Variants in C18orf54 observed in about 807,000 individuals in gnomAD.
C18orf54 encodes the protein chromosome 18 open reading frame 54.
In C18orf54, 49 loss-of-function variants were observed where a neutral mutation model predicts 49.3. That is an observed-to-expected ratio of 0.99 (90% CI 0.79 to 1.26). C18orf54 has a LOEUF of 1.26. Ranked by LOEUF, C18orf54 falls within the 50% of genes most tolerant of loss-of-function variation. The pLI is 0.00. For missense variants in C18orf54, 687 were observed against 620.6 expected, an observed-to-expected ratio of 1.11 and a Z score of -1.14; for synonymous variants, 211 against 216.6, an observed-to-expected ratio of 0.97 and a Z score of 0.23.
At chr18:54,376,826 C>A (rs564639465) in intron 8 of C18orf54, among the ~76,000 whole-genome samples, 23 of 152,238 alleles carry the variant, frequency 1.5e-4, no homozygotes, top group African/African-American at 4.3e-4. Flanking sequence ...AATAGATATA[C>A]ATGCAGTAAA....
At position 54,380,730 on chromosome 18, in the gene C18orf54, A is replaced by G. The variant is rs1013791408; in HGVS notation, c.*2484A>G. The G allele has an allele frequency of 1.3e-5, 2 of 152,154 alleles. No homozygotes were observed. Among genetic ancestry groups the G allele is most frequent in the Middle Eastern group, 3.2e-3 (1 of 316 alleles). The allele number at this position is 152,154 out of a possible 1,614,324, so 9.4% of individuals were successfully genotyped here. Reference sequence around the variant, plus strand: ...ATTTAATGGTGTATAATGTGTTATTACATTATATGTAGTTATACCAAAATA... The same window carrying G: ...ATTTAATGGTGTATAATGTGTTATTGCATTATATGTAGTTATACCAAAATA... On this transcript the variant is annotated 3_prime_UTR_variant, in exon 9 of 9. Transcript: ENST00000620105.
At chr18:54,376,265 T>C (rs2089568213) in intron 8 of C18orf54, among the ~76,000 whole-genome samples, 1 of 152,244 alleles carries the variant, frequency 6.6e-6, no homozygotes, top group Non-Finnish European at 1.5e-5. Context: ...TCTAGTCCCT[T>C]AAATACTCAG....
In C18orf54 at chr18:54,361,935, T is replaced by C. The variant is rs2089279639; in HGVS notation, c.576T>C (p.Asn192=). 1.9e-6 allele frequency: 3 copies of C among 1,613,998 alleles called. No individual in the cohort carries two copies. The highest frequency in any genetic ancestry group is 2.5e-6 in the Non-Finnish European group (3 of 1,180,006). The change falls in exon 4 of 9, where the codon AAT becomes AAC. Residue 192 remains asparagine, a synonymous_variant. Transcript: ENST00000620105. ...CTCCTGTTATACGCTCAAATATAAATGGAAAGCAATGTGGTAGGCTGAAAA... is the reference window on the plus strand; with the variant it reads ...CTCCTGTTATACGCTCAAATATAAACGGAAAGCAATGTGGTAGGCTGAAAA... ...FVTPVIRSNI[N]GKQCGRLKNP...
At position 54,379,554 on chromosome 18, in the gene C18orf54, T is replaced by G. The variant is rs184244085; in HGVS notation, c.*1308T>G. On this transcript the variant is annotated 3_prime_UTR_variant, in exon 9 of 9. Transcript: ENST00000620105. ...TTTTACCATGCTGCTCTGACCAGTT[T>G]GAGTGGCAATTACCAATAGATTTGT... is the stretch of plus-strand genomic sequence containing the variant. 2.3e-4 allele frequency: 35 copies of G among 151,598 alleles called. No individual in the cohort carries two copies. The highest frequency in any genetic ancestry group is 8.5e-4 in the African/African-American group (35 of 41,342). The allele number at this position is 151,598 out of a possible 1,614,324, so 9.4% of individuals were successfully genotyped here. A position where few individuals can be genotyped will look rare whatever the true frequency, so the allele number is the denominator to read the frequency against.
chr18:54,376,817 A>G (rs563301635), intron 8 of C18orf54, among the ~76,000 whole-genome samples: 1 of 152,312 alleles, frequency 6.6e-6, no homozygotes, highest in Admixed American at 6.5e-5. Context: ...GTACAGGGAA[A>G]TAGATATACA....
intron 7 of C18orf54, among the ~76,000 whole-genome samples, chr18:54,373,174 T>A (rs1261795949): frequency 6.6e-6 from 1 of 151,878 alleles, no homozygotes; most frequent in African/African-American, 2.4e-5. Context: ...GTATAGTGTT[T>A]AAGAACATAG....
At position 54,379,119 on chromosome 18, in the gene C18orf54, T is replaced by G. The variant is rs1003588696; in HGVS notation, c.*873T>G. On this transcript the variant is annotated 3_prime_UTR_variant, in exon 9 of 9. Transcript: ENST00000620105. ...CTATTTTAGAGCTATTTTGTAAGAGTTGTGCTTTCTTTAACACCATCTGTA... is the reference window on the plus strand; with the variant it reads ...CTATTTTAGAGCTATTTTGTAAGAGGTGTGCTTTCTTTAACACCATCTGTA... 1 of 151,988 alleles carries G rather than the reference T, an allele frequency of 6.6e-6. No homozygotes were observed. Among genetic ancestry groups the G allele is most frequent in the Non-Finnish European group, 1.5e-5 (1 of 67,924 alleles). 9.4% of individuals were successfully genotyped at this position (151,988 alleles called of 1,614,324 possible).
chr18:54,360,814 A>G lies in C18orf54; in HGVS notation c.242A>G (p.Asn81Ser). ...GKINIDEDFT[N>S]MSQFCNYIYK... ...ATTAACATTGATGAGGATTTTACTA[A>G]TATGTCACAGTTCTGCAACTATATT... The change falls in exon 3 of 9, where the codon AAT becomes AGT. Residue 81 changes from asparagine (N) to serine (S), a missense_variant. Asn to Ser is a conservative substitution (Grantham distance 46, BLOSUM62 1). Transcript: ENST00000620105. The G allele has an allele frequency of 6.2e-7, 1 of 1,613,166 alleles. No homozygotes were observed. The highest frequency in any genetic ancestry group is 8.5e-7 in the Non-Finnish European group (1 of 1,179,378).
At chr18:54,364,878 A>C (rs982016454) in intron 5 of C18orf54, among the ~76,000 whole-genome samples, 1 of 152,064 alleles carries the variant, frequency 6.6e-6, no homozygotes. Context: ...TGTAAATGTT[A>C]AAAAAAGATT....
chr18:54,361,302 T>G (rs974092666), intron 3 of C18orf54, among the ~76,000 whole-genome samples: 2 of 152,184 alleles, frequency 1.3e-5, no homozygotes, highest in Non-Finnish European at 2.9e-5. Context: ...ATAGCATATT[T>G]TTTTCTATGC....
intron 3 of C18orf54, 136 bp downstream of exon 3, chr18:54,360,991 T>C (rs1655483297): frequency 1.2e-6 from 1 of 828,890 alleles, no homozygotes; most frequent in Non-Finnish European, 1.8e-6. Flanking sequence ...TCTGGGTGTT[T>C]TTGTAAAATG....
At chr18:54,363,964 G>A (rs1445531153) in intron 5 of C18orf54, 1 of 152,062 alleles carries the variant, frequency 6.6e-6, no homozygotes, top group African/African-American at 2.4e-5. Context: ...GAGAAATAAC[G>A]TCTGCTTCAG....
chr18:54,380,217 G>C lies in C18orf54; in HGVS notation c.*1971G>C, dbSNP rs1208214075. ...TTTATTTATAATTTTAATATCTCAG[G>C]GTTCTTTTTAGGTTTCCAGGGGAAA... is the stretch of plus-strand genomic sequence containing the variant. On this transcript the variant is annotated 3_prime_UTR_variant, in exon 9 of 9. Transcript: ENST00000620105. 1.3e-5 allele frequency: 2 copies of C among 151,948 alleles called. No individual in the cohort carries two copies. Among genetic ancestry groups the C allele is most frequent in the African/African-American group, 4.8e-5 (2 of 41,478 alleles). The allele number at this position is 151,948 out of a possible 1,614,324, so 9.4% of individuals were successfully genotyped here. A position where few individuals can be genotyped will look rare whatever the true frequency, so the allele number is the denominator to read the frequency against.
At position 54,361,803 on chromosome 18, in the gene C18orf54, G is replaced by A. The variant is rs79359715; in HGVS notation, c.444G>A (p.Thr148=). The change falls in exon 4 of 9, where the codon ACG becomes ACA. Residue 148 remains threonine, a synonymous_variant. Transcript: ENST00000620105. The part of the protein sequence containing the change: ...SYTYVGPSHR[T]SKKNKKCRGR... ...CTTATGTTGGACCGAGTCACCGAAC[G>A]AGCAAGAAAAACAAGAAATGCCGTG... 82,208 of 1,613,646 alleles carry A rather than the reference G, an allele frequency of 0.051. 2,384 individuals are homozygous for A. Among genetic ancestry groups the A allele is most frequent in the Non-Finnish European group, 0.058 (67,894 of 1,179,696 alleles).
At chr18:54,366,500 T>C (rs2089387517) in intron 6 of C18orf54, among the ~76,000 whole-genome samples, 1 of 152,072 alleles carries the variant, frequency 6.6e-6, no homozygotes. Context: ...CTGTTGTCTA[T>C]ATATGTCACA....
At chr18:54,375,986 G>T (rs4940329) in intron 8 of C18orf54, among the ~76,000 whole-genome samples, 142,611 of 152,234 alleles carry the variant, frequency 0.94, 66,840 homozygotes, top group East Asian at 1. Context: ...TTTTCCAGGC[G>T]GCAAAATATT....
At chr18:54,372,416 T>G (rs765061718) in intron 6 of C18orf54, 50 bp from the exon 7 acceptor site, 6 of 1,395,814 alleles carry the variant, frequency 4.3e-6, no homozygotes, top group Non-Finnish European at 5.7e-6. Context: ...AACTCTTCTT[T>G]CCCTGAGCTT....
chr18:54,372,667 A>G (rs1016727196), intron 7 of C18orf54, 70 bp downstream of exon 7: 3 of 1,386,726 alleles, frequency 2.2e-6, no homozygotes, highest in Non-Finnish European at 3.0e-6. Flanking sequence ...ACATCTTTTA[A>G]TAGACCTACT....
At chr18:54,367,533 G>C (rs2144734392) in intron 6 of C18orf54, among the ~76,000 whole-genome samples, 1 of 32,756 alleles carries the variant, frequency 3.1e-5, no homozygotes, top group African/African-American at 3.3e-4. Context: ...TCAGCCCTTT[G>C]AATGTATCAT....
Sources: gnomAD v4.1 joint callset for allele counts (sites outside exome capture counted in the v4.1 genomes callset) on GRCh38, gnomAD v4.1.1 for gene constraint, MANE v1.5 for transcripts, NCBI Gene and HGNC (gene_info 2026-07-23, HGNC 2026-07-21) for gene names.